Variants in NDRG2 observed in about 807,000 individuals in gnomAD.
The protein encoded by NDRG2 is protein NDRG2.
NDRG2 carries 34 observed loss-of-function variants against 58.2 expected under a neutral mutation model. The observed-to-expected ratio is 0.58, with a 90% CI of 0.44 to 0.78. The LOEUF (loss-of-function observed/expected upper bound fraction) is 0.78, where lower values mean the gene tolerates loss of function less well. Ranked by LOEUF, NDRG2 falls within the 30% of genes least tolerant of loss-of-function variation. The probability of loss-of-function intolerance (pLI) is 0.00; values close to 1 mark genes in which losing one functional copy is unlikely to be tolerated. For missense variants in NDRG2, 434 were observed against 471.2 expected (o/e 0.92, Z 0.73); for synonymous variants, 187 against 175.9 (o/e 1.06, Z -0.50).
chr14:21,034,178 A>G, intron 1 of NDRG2: 3 of 1,613,996 alleles, frequency 1.9e-6, no homozygotes, highest in Non-Finnish European at 2.5e-6. Context: ...TGGGATAGTC[A>G]ATGCTTAAGG....
Position 21,020,511 on chromosome 14 carries a change from A to G in NDRG2, c.540T>C (p.Asp180=), listed in dbSNP as rs1239366251. The change falls in exon 8 of 16, where the codon GAT becomes GAC. Residue 180 remains aspartate, a synonymous_variant. Coordinates refer to ENST00000556147, the MANE Select transcript of NDRG2 (RefSeq NM_001320329.2). ...NIDPNAKGWM[D]WAAHKLTGLT... ...CCCTCCAAACCTTGTGGGCTGCCCA[A>G]TCCATCCAACCCTTGGCATTGGGAT... is the stretch of plus-strand genomic sequence containing the variant. 3.7e-6 allele frequency: 6 copies of G among 1,613,542 alleles called. No individual in the cohort carries two copies. In the East Asian group the frequency reaches 1.1e-4, roughly 30 times the overall value.
chr14:21,042,653 G>A (rs1300226635), intron 1 of NDRG2, among the ~76,000 whole-genome samples: 1 of 152,108 alleles, frequency 6.6e-6, no homozygotes, highest in South Asian at 2.1e-4. Flanking sequence ...GATGGGAATC[G>A]GGAGAGGATG....
chr14:21,021,809 C>T lies in NDRG2; in HGVS notation c.407+8G>A. On this transcript the variant is annotated splice_region_variant and intron_variant, in intron 6 of 15. Coordinates refer to ENST00000556147, the MANE Select transcript of NDRG2 (RefSeq NM_001320329.2). ...ACTCTGGTTTGGAGGGGTTCCCAGG[C>T]CTCTCACTTTAGGTACTGCAGGACG... 6.2e-7 allele frequency: 1 copy of T among 1,611,166 alleles called. No homozygotes were observed. The highest frequency in any genetic ancestry group is 1.1e-5 in the South Asian group (1 of 90,396).
At position 21,020,568 on chromosome 14, in the gene NDRG2, G is replaced by GT; in HGVS notation, c.482dup (p.Asp161GlufsTer4). ...TGATGAGGACAAGACCTTCAACAGTGTCCGGGTGGTTAAGCTGAGGGACAG... is the reference window on the plus strand; with the variant it reads ...TGATGAGGACAAGACCTTCAACAGTGTTCCGGGTGGTTAAGCTGAGGGACAG... On this transcript the variant is annotated frameshift_variant, in exon 8 of 16. Transcript: ENST00000556147. LOFTEE classifies it high-confidence loss of function. 6.2e-7 allele frequency: 1 copy of GT among 1,613,706 alleles called. No homozygotes were observed. Among genetic ancestry groups the GT allele is most frequent in the Non-Finnish European group, 8.5e-7 (1 of 1,179,928 alleles).
At position 21,070,227 on chromosome 14, in the gene NDRG2, C is replaced by T; in HGVS notation, c.24+601G>A. ...GGGCGGGGAGGGGCGGCCGTCTCGG[C>T]CCTCCCTGGCGGGGCCCCGCGGCCT... On this transcript the variant is annotated intron_variant, in intron 1 of 14. Transcript: ENST00000403829. The surrounding 1 kb of genome is among the most constrained non-coding windows in gnomAD (Gnocchi z 4.7). The T allele has an allele frequency of 1.8e-6, 1 of 561,484 alleles. No individual in the cohort carries two copies. Among genetic ancestry groups the T allele is most frequent in the Non-Finnish European group, 2.5e-6 (1 of 402,152 alleles). The allele number at this position is 561,484 out of a possible 1,614,324, so 34.8% of individuals were successfully genotyped here.
intron 1 of NDRG2, chr14:21,058,602 G>T: frequency 1.9e-6 from 1 of 521,730 alleles, no homozygotes. Flanking sequence ...CAAGCACTCA[G>T]GATCCCCACA....
chr14:21,024,914 T>TGCTG lies in NDRG2; in HGVS notation c.-895_-892dup. On this transcript the variant is annotated 5_prime_UTR_variant, in exon 1 of 16. Transcript: ENST00000556147. Reference sequence around the variant, plus strand: ...GCGCAGCAACCGAGCGCCCGCTCCGTGCTGGCCCTTTCCCCCGAGCCTCCA... The same window carrying TGCTG: ...GCGCAGCAACCGAGCGCCCGCTCCGTGCTGGCTGGCCCTTTCCCCCGAGCCTCCA... 1 of 985,698 alleles carries TGCTG rather than the reference T, an allele frequency of 1.0e-6. No homozygotes were observed. The highest frequency in any genetic ancestry group is 1.7e-5 in the African/African-American group (1 of 57,352). The allele number at this position is 985,698 out of a possible 1,614,324, so 61.1% of individuals were successfully genotyped here.
In NDRG2 at chr14:21,038,471, C is replaced by G. The variant is rs534249625; in HGVS notation, c.25-15150G>C. Among the ~76,000 whole-genome samples the G allele has an allele frequency of 1.6e-4, 24 of 152,268 alleles. No homozygotes were observed. The South Asian group carries it at 5.0e-3, about 32-fold the overall frequency. Reference sequence around the variant, plus strand: ...AGGAATTTAGAGGTGAGAAAGATGTCTCTGAATTGGGAGGGTCAGAGAAAG... The same window carrying G: ...AGGAATTTAGAGGTGAGAAAGATGTGTCTGAATTGGGAGGGTCAGAGAAAG... On this transcript the variant is annotated intron_variant, in intron 1 of 14. Transcript: ENST00000403829.
chr14:21,031,489 T>C (rs982232108), intron 1 of NDRG2, among the ~76,000 whole-genome samples: 1 of 152,242 alleles, frequency 6.6e-6, no homozygotes, highest in Non-Finnish European at 1.5e-5. Flanking sequence ...CCAATTCTTA[T>C]TTAGGGTTTA....
chr14:21,026,207 C>T (rs866416110), upstream of NDRG2, among the ~76,000 whole-genome samples: 4 of 152,122 alleles, frequency 2.6e-5, no homozygotes, highest in South Asian at 4.1e-4. Flanking sequence ...CGGAGGAAGG[C>T]TCCCTGGAAT....
At position 21,019,760 on chromosome 14, in the gene NDRG2, G is replaced by C. The variant is rs755156484; in HGVS notation, c.613-18C>G. On this transcript the variant is annotated intron_variant, in intron 9 of 15. Transcript: ENST00000556147. The stretch of plus-strand genomic sequence containing the variant: ...AGCTCTTCCTGAAGGAGAGAACAAG[G>C]AGAAAAATTAGGGATGGAAAGAGAA... The C allele has an allele frequency of 6.3e-7, 1 of 1,582,134 alleles. No homozygotes were observed. The highest frequency in any genetic ancestry group is 8.7e-7 in the Non-Finnish European group (1 of 1,152,452).
At chr14:21,049,886 C>G (rs949302158) in intron 1 of NDRG2, among the ~76,000 whole-genome samples, 3 of 151,964 alleles carry the variant, frequency 2.0e-5, no homozygotes, top group Admixed American at 6.6e-5. Flanking sequence ...AAGCGATTCA[C>G]CTACCTCAGC....
chr14:21,026,359 G>A (rs2029888716), upstream of NDRG2, among the ~76,000 whole-genome samples: 3 of 144,414 alleles, frequency 2.1e-5, no homozygotes, highest in Admixed American at 7.0e-5. Flanking sequence ...CTTCAGACTG[G>A]TTCCTGAGTT....
chr14:21,027,802 A>G (rs548591330), upstream of NDRG2, among the ~76,000 whole-genome samples: 1 of 152,368 alleles, frequency 6.6e-6, no homozygotes, highest in South Asian at 2.1e-4. Context: ...ACTATAATTC[A>G]GAGAAGGAAA....
At chr14:21,045,046 G>A (rs985374620) in intron 1 of NDRG2, among the ~76,000 whole-genome samples, 5 of 152,326 alleles carry the variant, frequency 3.3e-5, no homozygotes, top group Admixed American at 6.5e-5. Flanking sequence ...TCTATGAAAC[G>A]CTTGTCAGCC....
intron 1 of NDRG2, chr14:21,058,211 A>G (rs1374449542): frequency 6.2e-7 from 1 of 1,614,012 alleles, no homozygotes; most frequent in Admixed American, 1.7e-5. Flanking sequence ...GTCCCTGACC[A>G]TGGGTGAGCT....
chr14:21,040,999 G>GTTTC (rs1448569870), intron 1 of NDRG2, among the ~76,000 whole-genome samples: 1 of 151,736 alleles, frequency 6.6e-6, no homozygotes, highest in Non-Finnish European at 1.5e-5. Flanking sequence ...TTGTTTGTTT[G>GTTTC]TTTGTTTTTT....
chr14:21,069,189 T>TC (rs1045079463), intron 1 of NDRG2, among the ~76,000 whole-genome samples: 3 of 152,078 alleles, frequency 2.0e-5, no homozygotes, highest in African/African-American at 2.4e-5. Flanking sequence ...TGCCCGTGCC[T>TC]CCCCCCGGGC....
chr14:21,019,348 C>A (rs1009987500), intron 10 of NDRG2, among the ~76,000 whole-genome samples, 188 bp from the exon 11 acceptor site: 6 of 152,140 alleles, frequency 3.9e-5, no homozygotes, highest in African/African-American at 1.4e-4. Flanking sequence ...CACTTGTGCC[C>A]TAGATCCCTG....
Sources: gnomAD v4.1 joint callset for allele counts (sites outside exome capture counted in the v4.1 genomes callset) on GRCh38, gnomAD v4.1.1 for gene constraint, Gnocchi (gnomAD v3.1) non-coding constraint, MANE v1.5 for transcripts, NCBI Gene and HGNC (gene_info 2026-07-23, HGNC 2026-07-21) for gene names.